PBRM1: variants seen among roughly 807,000 people sequenced by gnomAD.
PBRM1 encodes the protein protein polybromo-1.
Under a neutral mutation model 194.5 loss-of-function variants are expected in PBRM1, and 27 were observed. The observed-to-expected ratio is 0.14, with a 90% CI of 0.10 to 0.19. PBRM1 has a LOEUF of 0.19. Ranked by LOEUF, PBRM1 falls within the 10% of genes least tolerant of loss-of-function variation. PBRM1 has a pLI of 1.00. For missense variants in PBRM1, 1,466 were observed against 2,077.2 expected, an observed-to-expected ratio of 0.71 and a Z score of 5.72; for synonymous variants, 655 against 693.2, an observed-to-expected ratio of 0.94 and a Z score of 0.87.
At chr3:52,676,921 G>C (rs1420466186) in intron 2 of PBRM1, among the ~76,000 whole-genome samples, 16 of 152,222 alleles carry the variant, frequency 1.1e-4, no homozygotes, top group Admixed American at 1.0e-3. Context: ...CTGCTCTAGA[G>C]ATCTGTGGAA....
At chr3:52,554,913 A>G in intron 26 of PBRM1, 34 bp from the exon 29 acceptor site, 1 of 1,592,862 alleles carries the variant, frequency 6.3e-7, no homozygotes, top group South Asian at 1.1e-5. Context: ...GACATGCATC[A>G]TTAACATGCA....
intron 9 of PBRM1, 29 bp from the exon 11 acceptor site, chr3:52,642,074 G>C (rs778796374): frequency 9.0e-7 from 1 of 1,109,774 alleles, no homozygotes; most frequent in Non-Finnish European, 1.4e-6. Context: ...CAATTAGACA[G>C]GGAAGGATGT....
intron 22 of PBRM1, among the ~76,000 whole-genome samples, chr3:52,576,049 G>GA (rs1056605435): frequency 4.6e-5 from 7 of 151,374 alleles, no homozygotes; most frequent in Admixed American, 6.6e-5. Flanking sequence ...GAGCAGAAAG[G>GA]AAAAAAAAGG....
At chr3:52,658,778 T>C (rs978435036) in intron 4 of PBRM1, among the ~76,000 whole-genome samples, 3 of 152,248 alleles carry the variant, frequency 2.0e-5, no homozygotes, top group Non-Finnish European at 4.4e-5. Flanking sequence ...ATAGGCATTG[T>C]ATCCCTAGAA....
At chr3:52,547,787 C>T (rs1215096822), downstream of PBRM1, 2 of 297,328 alleles carry the variant, frequency 6.7e-6, no homozygotes, top group Non-Finnish European at 1.2e-5. Context: ...AAAGATAAAA[C>T]TCCAAGTCTA....
chr3:52,612,016 T>C (rs1341562217), intron 15 of PBRM1, among the ~76,000 whole-genome samples: 1 of 151,474 alleles, frequency 6.6e-6, no homozygotes, highest in Non-Finnish European at 1.5e-5. Flanking sequence ...TCCCAGCACT[T>C]TGGGAGGCCG....
At chr3:52,585,134 T>A (rs904388711) in intron 20 of PBRM1, among the ~76,000 whole-genome samples, 1 of 152,184 alleles carries the variant, frequency 6.6e-6, no homozygotes, top group African/African-American at 2.4e-5. Context: ...TTCACTTACT[T>A]TTTCCCCCAA....
chr3:52,565,153 G>A (rs1422218821), intron 22 of PBRM1, among the ~76,000 whole-genome samples: 2 of 150,530 alleles, frequency 1.3e-5, no homozygotes, highest in Admixed American at 6.6e-5. Flanking sequence ...GAGCCAGGAT[G>A]ACGCCACTGC....
intron 5 of PBRM1, among the ~76,000 whole-genome samples, chr3:52,655,105 A>G (rs1338771087): frequency 6.6e-6 from 1 of 152,082 alleles, no homozygotes; most frequent in Non-Finnish European, 1.5e-5. Context: ...GTAACATGAA[A>G]TTTGCCATTT....
chr3:52,685,406 G>A (rs1175601941), intron 1 of PBRM1: 4 of 152,264 alleles, frequency 2.6e-5, no homozygotes, highest in Non-Finnish European at 4.4e-5. Flanking sequence ...GAGGCCCTGA[G>A]CAACGGAGGA....
chr3:52,560,859 A>G (rs1047831433), intron 25 of PBRM1, among the ~76,000 whole-genome samples: 1 of 152,198 alleles, frequency 6.6e-6, no homozygotes, highest in Non-Finnish European at 1.5e-5. Flanking sequence ...GAGACTTCAA[A>G]AATTTTAATA....
At chr3:52,643,262 A>G (rs375085452) in exon 9 of PBRM1, 7 of 1,611,432 alleles carry the variant, frequency 4.3e-6, no homozygotes, top group Non-Finnish European at 5.9e-6. Context: ...AATACTTGCT[A>G]GTGGGATTTC....
At chr3:52,669,725 G>A (rs1345320236) in intron 2 of PBRM1, among the ~76,000 whole-genome samples, 1 of 151,986 alleles carries the variant, frequency 6.6e-6, no homozygotes, top group Non-Finnish European at 1.5e-5. Flanking sequence ...CATAAAAGTT[G>A]CAAAAATAGT....
intron 13 of PBRM1, among the ~76,000 whole-genome samples, chr3:52,621,033 T>A (rs948479028): frequency 6.6e-6 from 1 of 152,226 alleles, no homozygotes. Context: ...CTGTATTAGG[T>A]TGGGCAGCTG....
chr3:52,612,881 G>A (rs1022790673), intron 15 of PBRM1, among the ~76,000 whole-genome samples: 14 of 124,842 alleles, frequency 1.1e-4, no homozygotes, highest in Non-Finnish European at 2.0e-4. Flanking sequence ...ACTCCAGCCT[G>A]GGCAACAGAG....
Position 52,561,640 on chromosome 3 carries a change from T to A in PBRM1, c.4288+127A>T, listed in dbSNP as rs774151763. ...ATCTAAAATACTGGTTGGGTGCCAT[T>A]TGGAACAGTCCCCAAAATAAAAGTT... On this transcript the variant is annotated intron_variant, in intron 25 of 29. Transcript: ENST00000296302. 7 of 827,842 alleles carry A rather than the reference T, an allele frequency of 8.5e-6. No individual in the cohort carries two copies. In the South Asian group the frequency reaches 8.9e-5, roughly 11 times the overall value. The allele number at this position is 827,842 out of a possible 1,614,324, so 51.3% of individuals were successfully genotyped here.
intron 11 of PBRM1, among the ~76,000 whole-genome samples, chr3:52,631,844 T>C (rs555737684): frequency 3.3e-5 from 5 of 152,350 alleles, no homozygotes; most frequent in South Asian, 2.1e-4. Context: ...AAATTTGTAA[T>C]GTAAGAAAGG....
chr3:52,624,791 C>CT (rs750412124), intron 13 of PBRM1, 106 bp downstream of exon 15: 19 of 759,966 alleles, frequency 2.5e-5, no homozygotes, highest in Non-Finnish European at 3.8e-5. Flanking sequence ...CCAATAAAGA[C>CT]TTTTTTTCAC....
rs578085915 is a variant in PBRM1 at position 52,554,336 on chromosome 3, T to C, written c.4609+388A>G. Among the ~76,000 whole-genome samples the C allele has an allele frequency of 3.9e-5, 6 of 152,322 alleles. No individual in the cohort carries two copies. The South Asian group carries it at 8.3e-4, about 21-fold the overall frequency. The stretch of plus-strand genomic sequence containing the variant: ...AGAAATGCAACTCAGGGGCAAAAAA[T>C]GCTTTTACATGTTACTCTGAACTAG... On this transcript the variant is annotated intron_variant, in intron 27 of 29. Coordinates refer to ENST00000296302, the Ensembl canonical transcript of PBRM1.
Sources: allele counts gnomAD v4.1 joint callset (sites outside exome capture counted in the v4.1 genomes callset), GRCh38; gene constraint gnomAD v4.1.1; transcripts MANE v1.5; gene names NCBI Gene and HGNC (gene_info 2026-07-23, HGNC 2026-07-21).